The following SH3PXD2B variants were observed in gnomAD, a reference collection of about 807,000 sequenced individuals.
SH3PXD2B encodes SH3 and PX domain-containing protein 2B.
In SH3PXD2B, 37 loss-of-function variants were observed where a neutral mutation model predicts 73.1. That is an observed-to-expected ratio of 0.51 (90% CI 0.39 to 0.67). The LOEUF (loss-of-function observed/expected upper bound fraction) is 0.67. Ranked by LOEUF, SH3PXD2B falls within the 30% of genes least tolerant of loss-of-function variation. SH3PXD2B has a pLI of 0.00. For missense variants in SH3PXD2B, 1,053 were observed against 1,197.8 expected, an observed-to-expected ratio of 0.88 and a Z score of 1.78; for synonymous variants, 457 against 480.5, an observed-to-expected ratio of 0.95 and a Z score of 0.64.
chr5:172,428,417 C>T (rs574966999), intron 1 of SH3PXD2B, among the ~76,000 whole-genome samples: 1 of 152,172 alleles, frequency 6.6e-6, no homozygotes. Context: ...TAAAAAATAG[C>T]GACAATAACA....
At chr5:172,390,587 T>C (rs2038712197) in intron 4 of SH3PXD2B, among the ~76,000 whole-genome samples, 1 of 152,182 alleles carries the variant, frequency 6.6e-6, no homozygotes, top group Non-Finnish European at 1.5e-5. Flanking sequence ...GATATGTCTA[T>C]TGTATGGATA....
rs533523747 is a variant in SH3PXD2B, at chr5:172,353,706, G to A, written c.785+182C>T. 2.6e-5 allele frequency among the ~76,000 whole-genome samples: 4 copies of A among 152,322 alleles called. No homozygotes were observed. Among genetic ancestry groups the A allele is most frequent in the African/African-American group, 9.6e-5 (4 of 41,566 alleles). On this transcript the variant is annotated intron_variant, in intron 9 of 12. Transcript: ENST00000311601. The surrounding 1 kb of genome is among the most constrained non-coding windows in gnomAD (Gnocchi z 4.3). Reference sequence around the variant, plus strand: ...TGCTTATCATGGACTTTTAGGGAAGGATATGGGTAGGGAGGGAGGCCACAC... The same window carrying A: ...TGCTTATCATGGACTTTTAGGGAAGAATATGGGTAGGGAGGGAGGCCACAC...
intron 2 of SH3PXD2B, among the ~76,000 whole-genome samples, chr5:172,420,718 A>G (rs1231043419): frequency 6.6e-6 from 1 of 152,134 alleles, no homozygotes; most frequent in African/African-American, 2.4e-5. Flanking sequence ...GACATTTCTC[A>G]CTCATATTGA....
chr5:172,337,646 C>A lies in SH3PXD2B; in HGVS notation c.*723G>T. ...TTGAAAAGCCCTGGAGGGACCGGAG[C>A]CTGCAGCAGCAAAGCGCAGCATACG... On this transcript the variant is annotated 3_prime_UTR_variant, in exon 13 of 13. Transcript: ENST00000311601. 1.0e-6 allele frequency: 1 copy of A among 986,128 alleles called. No individual in the cohort carries two copies. The highest frequency in any genetic ancestry group is 4.7e-5 in the South Asian group (1 of 21,302). The allele number at this position is 986,128 out of a possible 1,614,324, so 61.1% of individuals were successfully genotyped here. A position where few individuals can be genotyped will look rare whatever the true frequency, so the allele number is the denominator to read the frequency against.
At chr5:172,350,270 G>T in intron 10 of SH3PXD2B, 93 bp downstream of exon 10, 2 of 1,262,834 alleles carry the variant, frequency 1.6e-6, no homozygotes, top group Non-Finnish European at 2.2e-6. Flanking sequence ...CAGCTGGGCT[G>T]CTGTGAGGAT....
chr5:172,391,327 C>G lies in SH3PXD2B; in HGVS notation c.309+3236G>C, dbSNP rs146276767. Among the ~76,000 whole-genome samples, 8 of 152,208 alleles carry G rather than the reference C, an allele frequency of 5.3e-5. No homozygotes were observed. The East Asian group carries it at 1.5e-3, about 29-fold the overall frequency. The stretch of plus-strand genomic sequence containing the variant: ...ATGTGTTTACTAGTCATTCCTATGC[C>G]TTCTTGGGTAAAATTTTTATTGAAG... On this transcript the variant is annotated intron_variant, in intron 4 of 12. Coordinates refer to ENST00000311601, the MANE Select transcript of SH3PXD2B (RefSeq NM_001017995.3).
chr5:172,329,045 ATG>A (rs1247148362), downstream of SH3PXD2B, among the ~76,000 whole-genome samples: 205 of 126,706 alleles, frequency 1.6e-3, no homozygotes, highest in African/African-American at 6.0e-3. Flanking sequence ...ATATATATGT[ATG>A]TGTGTGTGTG....
chr5:172,366,946 TTTTTTTTG>T (rs1407173263), intron 6 of SH3PXD2B, among the ~76,000 whole-genome samples: 3,054 of 132,420 alleles, frequency 0.023, 197 homozygotes, highest in African/African-American at 0.089. Context: ...TTTTTTTTTT[TTTTTTTTG>T]GGGACAGAGT....
chr5:172,346,843 C>A (rs978326062), intron 11 of SH3PXD2B, among the ~76,000 whole-genome samples: 23 of 151,882 alleles, frequency 1.5e-4, no homozygotes, highest in African/African-American at 2.7e-4. Context: ...ATAAAAAAAA[C>A]CCCAAAACCC....
chr5:172,365,633 C>T (rs1757502040), intron 6 of SH3PXD2B, among the ~76,000 whole-genome samples: 1 of 152,168 alleles, frequency 6.6e-6, no homozygotes, highest in Non-Finnish European at 1.5e-5. Flanking sequence ...CTCAAGATGA[C>T]AGTTCCCCCA....
At chr5:172,355,093 T>C (rs773774786) in intron 8 of SH3PXD2B, among the ~76,000 whole-genome samples, 49 of 152,236 alleles carry the variant, frequency 3.2e-4, no homozygotes, top group Admixed American at 6.5e-4. Flanking sequence ...TCTCCTGTTT[T>C]GGTTACATTT....
rs553028940 is a variant in SH3PXD2B, at chr5:172,399,271, C to T, written c.233-4632G>A. 3.3e-5 allele frequency among the ~76,000 whole-genome samples: 5 copies of T among 152,276 alleles called. No individual in the cohort carries two copies. The South Asian group carries it at 6.2e-4, about 19-fold the overall frequency. ...CCAAAGATCAGCCCATTCCTGAGGCCGTTACAGTGTTCACTGATGGCTCCA... is the reference window on the plus strand; with the variant it reads ...CCAAAGATCAGCCCATTCCTGAGGCTGTTACAGTGTTCACTGATGGCTCCA... On this transcript the variant is annotated intron_variant, in intron 3 of 12. Transcript: ENST00000311601.
rs192744711 is a variant in SH3PXD2B, at chr5:172,425,650, C to T, written c.76-3154G>A. 3.6e-3 allele frequency among the ~76,000 whole-genome samples: 542 copies of T among 151,412 alleles called. 5 individuals carry two copies. Among genetic ancestry groups the T allele is most frequent in the Non-Finnish European group, 3.6e-3 (244 of 67,934 alleles). ...CGGGGGAGGAGGCAGCAGCTGATGA[C>T]GAGGGGCTTGCAGGCCACAGAGAAG... On this transcript the variant is annotated intron_variant, in intron 1 of 12. Transcript: ENST00000311601.
chr5:172,403,164 T>C (rs1758469958), intron 3 of SH3PXD2B, among the ~76,000 whole-genome samples: 1 of 152,210 alleles, frequency 6.6e-6, no homozygotes, highest in Non-Finnish European at 1.5e-5. Context: ...GCACAGCCTT[T>C]GGTGGGAATG....
At chr5:172,443,112 T>C (rs1759584141) in intron 1 of SH3PXD2B, among the ~76,000 whole-genome samples, 1 of 152,258 alleles carries the variant, frequency 6.6e-6, no homozygotes, top group African/African-American at 2.4e-5. Context: ...ATTATGACTA[T>C]ATGTACGTTT....
intron 2 of SH3PXD2B, among the ~76,000 whole-genome samples, chr5:172,418,464 C>T (rs1047071100): frequency 1.3e-5 from 2 of 152,214 alleles, no homozygotes; most frequent in African/African-American, 4.8e-5. Context: ...GCTGCTCCTC[C>T]ACCAAGGCTC....
intron 3 of SH3PXD2B, among the ~76,000 whole-genome samples, chr5:172,397,417 T>A (rs960666666): frequency 2.0e-5 from 3 of 152,214 alleles, no homozygotes; most frequent in Non-Finnish European, 2.9e-5. Context: ...TTTTATTACC[T>A]TGTGAAGCAC....
Position 172,333,507 on chromosome 5 carries a change from G to A in SH3PXD2B, c.*4862C>T. On this transcript the variant is annotated 3_prime_UTR_variant, in exon 13 of 13. Coordinates refer to ENST00000311601, the MANE Select transcript of SH3PXD2B (RefSeq NM_001017995.3). ...TCCATAGACACTGCATCTTCATGAT[G>A]AAGCTTGAAACCAGTCAAGCACTTT... 1 of 1,167,314 alleles carries A rather than the reference G, an allele frequency of 8.6e-7. No homozygotes were observed. Among genetic ancestry groups the A allele is most frequent in the Non-Finnish European group, 1.1e-6 (1 of 936,358 alleles). 72.3% of individuals were successfully genotyped at this position (1,167,314 alleles called of 1,614,324 possible).
chr5:172,418,206 G>A (rs369878112), intron 2 of SH3PXD2B, among the ~76,000 whole-genome samples: 40 of 152,160 alleles, frequency 2.6e-4, no homozygotes, highest in Admixed American at 2.2e-3. Context: ...CTTCATTTGC[G>A]TAATTGGATA....
Sources: allele counts gnomAD v4.1 joint callset (sites outside exome capture counted in the v4.1 genomes callset), GRCh38; gene constraint gnomAD v4.1.1; non-coding constraint Gnocchi (gnomAD v3.1); transcripts MANE v1.5; gene names NCBI Gene and HGNC (gene_info 2026-07-23, HGNC 2026-07-21).